CSMD3: variants seen among roughly 807,000 people sequenced by gnomAD.
CSMD3 encodes the protein CUB and Sushi multiple domains 3.
CSMD3 carries 177 observed loss-of-function variants against 435.2 expected under a neutral mutation model. That is an observed-to-expected ratio of 0.41 (90% CI 0.36 to 0.46). The LOEUF (loss-of-function observed/expected upper bound fraction) is 0.46. Ranked by LOEUF, CSMD3 falls within the 20% of genes least tolerant of loss-of-function variation. The pLI is 0.34. For synonymous variants in CSMD3, 1,656 were observed against 1,520.5 expected, an observed-to-expected ratio of 1.09 and a Z score of -2.07; for missense variants, 4,265 against 4,504.6, an observed-to-expected ratio of 0.95 and a Z score of 1.52.
chr8:113,212,827 T>G (rs939924078), intron 3 of CSMD3, among the ~76,000 whole-genome samples: 8 of 151,112 alleles, frequency 5.3e-5, no homozygotes, highest in African/African-American at 1.9e-4. Flanking sequence ...ATATGGCACA[T>G]GTATACATAT....
In CSMD3 at chr8:112,291,564, C is replaced by T; in HGVS notation, c.8920G>A (p.Val2974Ile). ...NPGYFLFGSSVLICQPNGQWD... is the reference protein window; with the variant it reads ...NPGYFLFGSSILICQPNGQWD... ...TGTCCATTTGGTTGACATATCAAAA[C>T]TGAAGATCCAAATAAAAAATATCCA... Residue 2974 changes from valine (V) to isoleucine (I), a missense_variant, in exon 56 of 71, where the codon GTT (valine) becomes ATT (isoleucine). By Grantham distance (29) the Val-to-Ile change is conservative. This residue lies in a region of CSMD3 where 3,255 missense variants were observed against 3,380.2 expected (regional missense o/e 0.96). Coordinates refer to ENST00000297405, the MANE Select transcript of CSMD3 (RefSeq NM_198123.2). 6.2e-7 allele frequency: 1 copy of T among 1,611,736 alleles called. No individual in the cohort carries two copies. The highest frequency in any genetic ancestry group is 8.5e-7 in the Non-Finnish European group (1 of 1,178,390).
intron 31 of CSMD3, among the ~76,000 whole-genome samples, chr8:112,478,044 T>G (rs1174327324): frequency 2.6e-5 from 4 of 152,154 alleles, no homozygotes; most frequent in Non-Finnish European, 5.9e-5. Flanking sequence ...GCACTAGCTC[T>G]CTCTCTCTCT....
chr8:112,265,355 A>G (rs1563709739), intron 60 of CSMD3, 56 bp downstream of exon 60: 1 of 1,325,838 alleles, frequency 7.5e-7, no homozygotes, highest in South Asian at 1.4e-5. Flanking sequence ...GTATATAAAA[A>G]TAAGAAAATA....
chr8:112,778,151 C>T lies in CSMD3; in HGVS notation c.1972+22011G>A, dbSNP rs1168542946. Among the ~76,000 whole-genome samples, 3 of 151,882 alleles carry T rather than the reference C, an allele frequency of 2.0e-5. No homozygotes were observed. The South Asian group carries it at 6.2e-4, about 32-fold the overall frequency. On this transcript the variant is annotated intron_variant, in intron 13 of 70. Coordinates refer to ENST00000297405, the MANE Select transcript of CSMD3 (RefSeq NM_198123.2). ...CTGCCCTCCTTCACGTACAACCTCC[C>T]CAACTACCAACATCCCACACTACTA...
chr8:112,682,353 A>G, intron 16 of CSMD3, 89 bp downstream of exon 16: 1 of 918,374 alleles, frequency 1.1e-6, no homozygotes, highest in Non-Finnish European at 1.8e-6. Context: ...AATGATTATG[A>G]CAGTCCTGGT....
chr8:112,254,370 A>G (rs777083087), intron 62 of CSMD3, 44 bp from the exon 63 acceptor site: 4 of 1,279,108 alleles, frequency 3.1e-6, no homozygotes, highest in South Asian at 2.4e-5. Context: ...AAAATTTACA[A>G]TAGATATAGT....
At chr8:112,679,750 G>A (rs899196054) in intron 16 of CSMD3, among the ~76,000 whole-genome samples, 14 of 152,064 alleles carry the variant, frequency 9.2e-5, no homozygotes, top group African/African-American at 1.4e-4. Flanking sequence ...TTAGGCAAAC[G>A]AGGATCCAAC....
At chr8:113,004,221 C>A (rs2085972314) in intron 6 of CSMD3, among the ~76,000 whole-genome samples, 1 of 151,942 alleles carries the variant, frequency 6.6e-6, no homozygotes, top group Admixed American at 6.6e-5. Context: ...ACAAATTTGT[C>A]CCATTTAGAT....
At chr8:112,652,258 C>T (rs2075146161) in intron 18 of CSMD3, among the ~76,000 whole-genome samples, 1 of 152,042 alleles carries the variant, frequency 6.6e-6, no homozygotes, top group Admixed American at 6.6e-5. Context: ...ATAGGAATAC[C>T]TTCAGTTGTC....
intron 10 of CSMD3, among the ~76,000 whole-genome samples, chr8:112,918,247 C>T (rs2082630381): frequency 6.6e-6 from 1 of 151,660 alleles, no homozygotes; most frequent in Admixed American, 6.6e-5. Flanking sequence ...CAATTTCATG[C>T]TTTTTGAATA....
intron 6 of CSMD3, among the ~76,000 whole-genome samples, chr8:113,014,980 A>G (rs2086399465): frequency 6.6e-6 from 1 of 152,154 alleles, no homozygotes; most frequent in Non-Finnish European, 1.5e-5. Context: ...AGCAATTAGT[A>G]TCTTTATGAT....
chr8:112,627,428 A>G (rs1406955762), intron 22 of CSMD3, among the ~76,000 whole-genome samples: 3 of 152,036 alleles, frequency 2.0e-5, no homozygotes, highest in African/African-American at 7.2e-5. Context: ...CACTCTTGCA[A>G]TTGCTTCTAG....
chr8:112,640,892 A>G (rs1052103253), intron 20 of CSMD3, among the ~76,000 whole-genome samples: 3 of 152,158 alleles, frequency 2.0e-5, no homozygotes, highest in African/African-American at 7.2e-5. Context: ...GAAATAAATC[A>G]TCATGTATAC....
intron 35 of CSMD3, among the ~76,000 whole-genome samples, chr8:112,399,120 C>A (rs1276967026): frequency 6.6e-6 from 1 of 151,828 alleles, no homozygotes; most frequent in Non-Finnish European, 1.5e-5. Flanking sequence ...TTTCACCACG[C>A]TGGCCAGGGC....
At chr8:112,248,245 C>G (rs1586530419) in intron 63 of CSMD3, among the ~76,000 whole-genome samples, 1 of 151,978 alleles carries the variant, frequency 6.6e-6, no homozygotes, top group Admixed American at 6.6e-5. Context: ...CAGGATGACA[C>G]TCAAGTTTTA....
intron 24 of CSMD3, among the ~76,000 whole-genome samples, chr8:112,567,575 AG>A (rs1426217891): frequency 6.6e-6 from 1 of 152,188 alleles, no homozygotes; most frequent in African/African-American, 2.4e-5. Context: ...GAAGAGTAAA[AG>A]GGAAGATATG....
chr8:113,081,115 A>C (rs2131453715), intron 5 of CSMD3, among the ~76,000 whole-genome samples: 1 of 152,354 alleles, frequency 6.6e-6, no homozygotes, highest in East Asian at 1.9e-4. Context: ...GTACTGTGAA[A>C]ATGTAAGAAA....
intron 13 of CSMD3, among the ~76,000 whole-genome samples, chr8:112,790,787 C>T (rs1482494040): frequency 6.6e-6 from 1 of 151,994 alleles, no homozygotes; most frequent in Non-Finnish European, 1.5e-5. Flanking sequence ...TTGTTCTTGC[C>T]TTTTTAATTG....
intron 38 of CSMD3, among the ~76,000 whole-genome samples, chr8:112,370,209 C>G (rs183917446): frequency 6.6e-6 from 1 of 152,068 alleles, no homozygotes; most frequent in Non-Finnish European, 1.5e-5. Flanking sequence ...TTGTTTTTCA[C>G]TTTTCCAGCA....
Sources: allele counts gnomAD v4.1 joint callset (sites outside exome capture counted in the v4.1 genomes callset), GRCh38; gene constraint gnomAD v4.1.1; regional missense constraint gnomAD v4.1.1; transcripts MANE v1.5; gene names NCBI Gene and HGNC (gene_info 2026-07-23, HGNC 2026-07-21).